The following EML6 variants were observed in gnomAD, a reference collection of about 807,000 sequenced individuals.
The protein encoded by EML6 is EMAP like 6.
EML6 carries 154 observed loss-of-function variants against 240.1 expected under a neutral mutation model. The observed-to-expected ratio is 0.64, with a 90% CI of 0.56 to 0.73. EML6 has a LOEUF of 0.73. EML6 is among the 30% of genes least tolerant of loss of function. The pLI is 0.00. For missense variants in EML6, 2,964 were observed against 2,474.6 expected (o/e 1.20, Z -4.20); for synonymous variants, 1,148 against 899.0 (o/e 1.28, Z -4.95).
At chr2:54,748,375 A>G (rs1234849113) in intron 2 of EML6, 1 of 152,172 alleles carries the variant, frequency 6.6e-6, no homozygotes, top group Non-Finnish European at 1.5e-5. Context: ...TTGGGAGAAT[A>G]TGGAATCTGG....
chr2:54,930,523 T>G (rs755894449), intron 28 of EML6, among the ~76,000 whole-genome samples: 6 of 152,174 alleles, frequency 3.9e-5, no homozygotes, highest in Non-Finnish European at 7.3e-5. Context: ...TGACTCTTTT[T>G]TTTTTTATCA....
chr2:54,918,472 C>T (rs987125541), intron 26 of EML6, among the ~76,000 whole-genome samples: 4 of 152,184 alleles, frequency 2.6e-5, no homozygotes, highest in African/African-American at 7.2e-5. Flanking sequence ...CCTCAGCCTC[C>T]CCAGTAGCTG....
chr2:54,938,256 G>T (rs1010030573), intron 28 of EML6, among the ~76,000 whole-genome samples: 27 of 152,132 alleles, frequency 1.8e-4, no homozygotes, highest in African/African-American at 5.6e-4. Flanking sequence ...TGAGGGAGGA[G>T]AATTACTTGA....
chr2:54,893,220 GATTACACTTA>G (rs1672571411), intron 19 of EML6, among the ~76,000 whole-genome samples: 1 of 152,132 alleles, frequency 6.6e-6, no homozygotes, highest in Non-Finnish European at 1.5e-5. Flanking sequence ...CCTCTACAAA[GATTACACTTA>G]CCTTCTCTCA....
chr2:54,834,192 A>G (rs796670623), intron 7 of EML6, among the ~76,000 whole-genome samples: 28 of 152,260 alleles, frequency 1.8e-4, no homozygotes, highest in African/African-American at 6.3e-4. Flanking sequence ...GGATGGTACA[A>G]TGAGGCCCAG....
At chr2:54,913,670 C>G (rs769344111) in intron 25 of EML6, among the ~76,000 whole-genome samples, 15 of 152,158 alleles carry the variant, frequency 9.9e-5, no homozygotes, top group Admixed American at 2.0e-4. Flanking sequence ...CATCAAGTCT[C>G]ACTTGTCAAT....
chr2:54,845,122 T>C (rs1359002819), intron 8 of EML6, among the ~76,000 whole-genome samples: 1 of 152,238 alleles, frequency 6.6e-6, no homozygotes, highest in South Asian at 2.1e-4. Context: ...TTTGTGTGTT[T>C]ATGAGTCGCA....
chr2:54,743,217 T>C (rs354201), intron 2 of EML6, among the ~76,000 whole-genome samples: 50,899 of 152,054 alleles, frequency 0.33, 8,687 homozygotes, highest in East Asian at 0.56. Flanking sequence ...TGCACGCACA[T>C]ACACAGTTGC....
At position 54,724,989 on chromosome 2, in the gene EML6, C is replaced by A; in HGVS notation, c.-73C>A. ...GCCGCGCGCTGAGCCCCTGCAGGTC[C>A]GCCGCAGCCCCAGCCTCGGCGAGGA... On this transcript the variant is annotated 5_prime_UTR_variant, in exon 2 of 42. Coordinates refer to ENST00000356458, the MANE Select transcript of EML6 (RefSeq NM_001039753.4). This position sits in a 1 kb window ranked among gnomAD's most constrained non-coding sequence, Gnocchi z 5.2. 7.8e-7 allele frequency: 1 copy of A among 1,277,666 alleles called. No homozygotes were observed. Among genetic ancestry groups the A allele is most frequent in the Non-Finnish European group, 1.0e-6 (1 of 1,001,032 alleles). The allele number at this position is 1,277,666 out of a possible 1,614,324, so 79.1% of individuals were successfully genotyped here. A position where few individuals can be genotyped will look rare whatever the true frequency, so the allele number is the denominator to read the frequency against.
intron 25 of EML6, among the ~76,000 whole-genome samples, chr2:54,913,834 G>T (rs1673766837): frequency 6.6e-6 from 1 of 152,100 alleles, no homozygotes; most frequent in South Asian, 2.1e-4. Context: ...TAATTTTTGT[G>T]TATGGTGAAA....
chr2:54,752,898 C>T (rs1232754303), intron 2 of EML6, among the ~76,000 whole-genome samples: 1 of 152,216 alleles, frequency 6.6e-6, no homozygotes, highest in African/African-American at 2.4e-5. Context: ...AAGCGATTCT[C>T]CTGCCTCAGC....
intron 2 of EML6, among the ~76,000 whole-genome samples, chr2:54,796,558 G>T (rs1201382814): frequency 1.3e-5 from 2 of 151,250 alleles, no homozygotes; most frequent in African/African-American, 4.9e-5. Context: ...CTATCTTAAA[G>T]GAACACTTAA....
intron 2 of EML6, among the ~76,000 whole-genome samples, chr2:54,784,177 C>G (rs1228032188): frequency 1.3e-5 from 2 of 152,086 alleles, no homozygotes; most frequent in African/African-American, 4.8e-5. Flanking sequence ...AACTCTTGGG[C>G]TCAAATGGTC....
At position 54,750,185 on chromosome 2, in the gene EML6, G is replaced by A. The variant is rs530181527; in HGVS notation, c.197+24927G>A. Among the ~76,000 whole-genome samples the A allele has an allele frequency of 2.2e-3, 336 of 152,300 alleles. 1 individual carries two copies. The highest frequency in any genetic ancestry group is 0.014 in the Middle Eastern group (4 of 294). Reference sequence around the variant, plus strand: ...GCCCAGCCTGAGGGCCCGATATTTGGCTTTTGGATATGGCCCAGGAAGAAC... The same window carrying A: ...GCCCAGCCTGAGGGCCCGATATTTGACTTTTGGATATGGCCCAGGAAGAAC... On this transcript the variant is annotated intron_variant, in intron 2 of 41. Transcript: ENST00000356458.
chr2:54,918,487 T>G (rs941961306), intron 26 of EML6, among the ~76,000 whole-genome samples: 5 of 152,206 alleles, frequency 3.3e-5, no homozygotes, highest in African/African-American at 1.2e-4. Flanking sequence ...TAGCTGGGAT[T>G]ATGTGCATAC....
At chr2:54,913,132 C>G (rs1673732964) in intron 25 of EML6, among the ~76,000 whole-genome samples, 1 of 138,644 alleles carries the variant, frequency 7.2e-6, no homozygotes, top group East Asian at 2.1e-4. Flanking sequence ...GAGACAGCAT[C>G]TTGTGGTTTT....
intron 26 of EML6, among the ~76,000 whole-genome samples, chr2:54,922,638 C>T (rs958143108): frequency 6.6e-6 from 1 of 152,110 alleles, no homozygotes; most frequent in Non-Finnish European, 1.5e-5. Context: ...ATGGAAACAA[C>T]TGAAGTATCT....
At position 54,879,948 on chromosome 2, in the gene EML6, G is replaced by T. The variant is rs938818330; in HGVS notation, c.2438+308G>T. 1.2e-5 allele frequency: 3 copies of T among 247,004 alleles called. No individual in the cohort carries two copies. The Admixed American group carries it at 1.6e-4, about 13-fold the overall frequency. 15.3% of individuals were successfully genotyped at this position (247,004 alleles called of 1,614,324 possible). ...GCAATAGAAAAGCAGCTTTTCTCAG[G>T]CTGGTGCCTTGCCCCTTGTTTTTCT... On this transcript the variant is annotated intron_variant, in intron 17 of 41. Transcript: ENST00000356458.
intron 17 of EML6, among the ~76,000 whole-genome samples, chr2:54,888,032 T>A (rs761341020): frequency 6.6e-6 from 1 of 152,254 alleles, no homozygotes; most frequent in African/African-American, 2.4e-5. Flanking sequence ...AAGCTAGCAA[T>A]GGGCTTGCTG....
Sources: allele counts gnomAD v4.1 joint callset (sites outside exome capture counted in the v4.1 genomes callset), GRCh38; gene constraint gnomAD v4.1.1; non-coding constraint Gnocchi (gnomAD v3.1); transcripts MANE v1.5; gene names NCBI Gene and HGNC (gene_info 2026-07-23, HGNC 2026-07-21).